IL21R: variants seen among roughly 807,000 people sequenced by gnomAD.
The protein encoded by IL21R is interleukin-21 receptor.
IL21R carries 14 observed loss-of-function variants against 41.3 expected under a neutral mutation model. The observed-to-expected ratio is 0.34, with a 90% CI of 0.22 to 0.53. IL21R has a LOEUF of 0.53. Ranked by LOEUF, IL21R falls within the 20% of genes least tolerant of loss-of-function variation. The probability of loss-of-function intolerance (pLI) is 0.94; values close to 1 mark genes in which losing one functional copy is unlikely to be tolerated. For synonymous variants in IL21R, 286 were observed against 287.6 expected (o/e 0.99, Z 0.05); for missense variants, 588 against 681.6 (o/e 0.86, Z 1.53).
At chr16:27,422,164 G>T (rs769409248) in intron 1 of IL21R, among the ~76,000 whole-genome samples, 68 of 152,054 alleles carry the variant, frequency 4.5e-4, no homozygotes, top group Middle Eastern at 3.4e-3. Context: ...CAGTCTTATT[G>T]TTTCTTCCTT....
chr16:27,429,430 T>A (rs1188372198), intron 1 of IL21R, among the ~76,000 whole-genome samples: 1 of 152,074 alleles, frequency 6.6e-6, no homozygotes, highest in African/African-American at 2.4e-5. Flanking sequence ...CAATGCTACA[T>A]CAATAGGCTC....
intron 1 of IL21R, among the ~76,000 whole-genome samples, chr16:27,410,091 T>G (rs1000217446): frequency 6.6e-6 from 1 of 152,220 alleles, no homozygotes; most frequent in Admixed American, 6.5e-5. Flanking sequence ...ATCCCAGCAC[T>G]TTGGGAGGCC....
Position 27,434,434 on chromosome 16 carries a change from C to G in IL21R, c.137C>G (p.Thr46Arg), listed in dbSNP as rs137946070. 1.2e-6 allele frequency: 2 copies of G among 1,611,946 alleles called. No homozygotes were observed. The highest frequency in any genetic ancestry group is 3.3e-5 in the Admixed American group (2 of 60,018). The part of the protein sequence containing the change: ...ILEMWNLHPS[T>R]LTLTWQDQYE... Reference sequence around the variant, plus strand: ...GAAATGTGGAACCTCCACCCCAGCACGCTCACCCTTACCTGGTAAGTAGCC... The same window carrying G: ...GAAATGTGGAACCTCCACCCCAGCAGGCTCACCCTTACCTGGTAAGTAGCC... The change falls in exon 3 of 9, where the codon ACG (threonine) becomes AGG (arginine). Residue 46 changes from threonine to arginine, a missense_variant. Physicochemically the swap from Thr to Arg is moderately conservative, Grantham distance 71 (BLOSUM62 -1). Transcript: ENST00000337929.
intron 3 of IL21R, 149 bp from the exon 4 acceptor site, chr16:27,437,339 G>T: frequency 1.6e-6 from 1 of 643,730 alleles, no homozygotes. Flanking sequence ...GGAAAAGGTT[G>T]GTTGGACCAG....
chr16:27,445,289 G>T lies in IL21R; in HGVS notation c.785+13G>T. 1 of 1,588,406 alleles carries T rather than the reference G, an allele frequency of 6.3e-7. No homozygotes were observed. The highest frequency in any genetic ancestry group is 8.6e-7 in the Non-Finnish European group (1 of 1,157,096). ...ATCCATTGTGGAGGTGAGGCCAGGG[G>T]ATGAGGAAGGCAGGGAGGTGGTCAG... On this transcript the variant is annotated intron_variant, in intron 7 of 8. Coordinates refer to ENST00000337929, the MANE Select transcript of IL21R (RefSeq NM_181078.3).
At chr16:27,407,779 C>T (rs879450368) in intron 1 of IL21R, among the ~76,000 whole-genome samples, 4 of 152,170 alleles carry the variant, frequency 2.6e-5, no homozygotes, top group Admixed American at 1.3e-4. Flanking sequence ...GAGCCAAGAT[C>T]GTGCCACTGC....
rs1408005746 is a variant in IL21R at position 27,412,770 on chromosome 16, T to A, written c.-17+10152T>A. 3.3e-5 allele frequency among the ~76,000 whole-genome samples: 5 copies of A among 152,176 alleles called. No individual in the cohort carries two copies. In the South Asian group the frequency reaches 1.0e-3, roughly 31 times the overall value. On this transcript the variant is annotated intron_variant, in intron 1 of 8. Transcript: ENST00000337929. ...TGAAATTTTTTGCTTAAGTTTCTTT[T>A]TGGATTGTCCATTGTTAATGTAAAA...
At chr16:27,430,403 C>T (rs537351735) in intron 2 of IL21R, among the ~76,000 whole-genome samples, 6 of 152,348 alleles carry the variant, frequency 3.9e-5, no homozygotes, top group South Asian at 4.1e-4. Context: ...TGAAAGGCTT[C>T]GTCCTTCATT....
At chr16:27,410,165 G>A (rs2086804776) in intron 1 of IL21R, among the ~76,000 whole-genome samples, 1 of 152,044 alleles carries the variant, frequency 6.6e-6, no homozygotes, top group African/African-American at 2.4e-5. Flanking sequence ...GTGAAACCCT[G>A]TCTCCACTAA....
At chr16:27,438,050 C>T (rs551851407) in intron 4 of IL21R, among the ~76,000 whole-genome samples, 19 of 152,078 alleles carry the variant, frequency 1.2e-4, no homozygotes, top group East Asian at 3.9e-4. Context: ...TTTTGAGTTG[C>T]GCTATTTTTT....
In IL21R at chr16:27,449,614, T is replaced by G. The variant is rs2087555777; in HGVS notation, c.*331T>G. On this transcript the variant is annotated 3_prime_UTR_variant, in exon 9 of 9. Coordinates refer to ENST00000337929, the MANE Select transcript of IL21R (RefSeq NM_181078.3). ...CACGGAGCTCACCCATGTGCACAAG[T>G]GTGCACAGTAAACGTGTTTGTGGTC... 2.7e-6 allele frequency: 1 copy of G among 376,190 alleles called. No individual in the cohort carries two copies. The highest frequency in any genetic ancestry group is 2.0e-5 in the African/African-American group (1 of 49,788). The allele number at this position is 376,190 out of a possible 1,614,324, so 23.3% of individuals were successfully genotyped here. A position where few individuals can be genotyped will look rare whatever the true frequency, so the allele number is the denominator to read the frequency against.
rs567542812 is a variant in IL21R at position 27,437,787 on chromosome 16, C to T, written c.352+100C>T. ...AGGTGATCCTCCCACCTCAGCCTCC[C>T]GTGTAGCTGGGACAACAGGTGTACA... On this transcript the variant is annotated intron_variant, in intron 4 of 8. Coordinates refer to ENST00000337929, the MANE Select transcript of IL21R (RefSeq NM_181078.3). 4.2e-5 allele frequency: 39 copies of T among 926,944 alleles called. 1 individual carries two copies. The highest frequency in any genetic ancestry group is 2.3e-4 in the South Asian group (16 of 69,286). The allele number at this position is 926,944 out of a possible 1,614,324, so 57.4% of individuals were successfully genotyped here.
intron 1 of IL21R, chr16:27,403,072 T>C (rs1211809007): frequency 2.2e-5 from 11 of 511,602 alleles, no homozygotes; most frequent in Non-Finnish European, 3.4e-5. Context: ...GGTGTGCCCA[T>C]TTCGCAGATG....
intron 1 of IL21R, among the ~76,000 whole-genome samples, chr16:27,413,017 A>G (rs192135331): frequency 5.9e-4 from 90 of 152,242 alleles, no homozygotes; most frequent in African/African-American, 2.1e-3. Flanking sequence ...AGAAATGGCA[A>G]GTGTGGGCAT....
rs2087586985 is a variant in IL21R, at chr16:27,450,985, C to T, written c.*1702C>T. The T allele has an allele frequency of 4.3e-6, 1 of 233,462 alleles. No homozygotes were observed. Among genetic ancestry groups the T allele is most frequent in the Non-Finnish European group, 8.5e-6 (1 of 118,234 alleles). The allele number at this position is 233,462 out of a possible 1,614,324, so 14.5% of individuals were successfully genotyped here. ...AGCTGAGAGAATGCATGAGAGTCCT[C>T]GGTGCCTGGCAGGAGGCTGGAAGGT... On this transcript the variant is annotated 3_prime_UTR_variant, in exon 9 of 9. Coordinates refer to ENST00000337929, the MANE Select transcript of IL21R (RefSeq NM_181078.3).
chr16:27,410,028 G>C (rs186917861), intron 1 of IL21R, among the ~76,000 whole-genome samples: 1 of 152,098 alleles, frequency 6.6e-6, no homozygotes, highest in African/African-American at 2.4e-5. Context: ...TGTCTTGTAG[G>C]TTTCTGTGTA....
chr16:27,426,776 A>G (rs1256027340), intron 1 of IL21R, among the ~76,000 whole-genome samples: 1 of 152,226 alleles, frequency 6.6e-6, no homozygotes, highest in Non-Finnish European at 1.5e-5. Flanking sequence ...AAGAGCTACT[A>G]TTTGCTTCAA....
chr16:27,446,842 G>T (rs563627134), intron 8 of IL21R, among the ~76,000 whole-genome samples: 3 of 152,356 alleles, frequency 2.0e-5, no homozygotes, highest in East Asian at 3.9e-4. Flanking sequence ...CCCACAGGTT[G>T]TCTGTGCCCA....
intron 1 of IL21R, among the ~76,000 whole-genome samples, chr16:27,414,372 C>T (rs945779810): frequency 6.6e-6 from 1 of 151,830 alleles, no homozygotes; most frequent in Non-Finnish European, 1.5e-5. Context: ...TCATACTAAC[C>T]TTACATTCCT....
Sources: allele counts gnomAD v4.1 joint callset (sites outside exome capture counted in the v4.1 genomes callset), GRCh38; gene constraint gnomAD v4.1.1; transcripts MANE v1.5; gene names NCBI Gene and HGNC (gene_info 2026-07-23, HGNC 2026-07-21).